PTPN12: variants seen among roughly 807,000 people sequenced by gnomAD.
PTPN12 encodes the protein protein tyrosine phosphatase non-receptor type 12.
PTPN12 carries 29 observed loss-of-function variants against 97.6 expected under a neutral mutation model. That is an observed-to-expected ratio of 0.30 (90% CI 0.22 to 0.41). PTPN12 has a LOEUF of 0.41. PTPN12 is among the 10% of genes least tolerant of loss of function. PTPN12 has a pLI of 1.00. For missense variants in PTPN12, 819 were observed against 926.0 expected (o/e 0.88, Z 1.50); for synonymous variants, 327 against 300.4 (o/e 1.09, Z -0.91).
chr7:77,606,986 T>C (rs1428221482), intron 8 of PTPN12: 2 of 263,334 alleles, frequency 7.6e-6, no homozygotes, highest in African/African-American at 4.5e-5. Flanking sequence ...TTGTTGTGCC[T>C]GATTTATAAA....
At chr7:77,618,610 C>A in intron 12 of PTPN12, 45 bp downstream of exon 12, 1 of 1,241,806 alleles carries the variant, frequency 8.1e-7, no homozygotes, top group Admixed American at 1.9e-5. Context: ...ATACTTGTTT[C>A]TACTCACTGT....
chr7:77,579,740 T>A (rs1382570557), intron 2 of PTPN12, among the ~76,000 whole-genome samples: 2 of 152,260 alleles, frequency 1.3e-5, no homozygotes, highest in East Asian at 3.9e-4. Flanking sequence ...TTTACATAGA[T>A]CTCATAAAAA....
intron 6 of PTPN12, 41 bp downstream of exon 6, chr7:77,592,297 G>T (rs760590933): frequency 8.1e-6 from 12 of 1,480,616 alleles, no homozygotes; most frequent in South Asian, 1.2e-5. Flanking sequence ...CAGAAAATTG[G>T]CATGCTATAC....
At chr7:77,571,980 G>T (rs958470021) in intron 2 of PTPN12, among the ~76,000 whole-genome samples, 1 of 152,016 alleles carries the variant, frequency 6.6e-6, no homozygotes, top group African/African-American at 2.4e-5. Context: ...TAAAGCTGCC[G>T]TCGTTTTTCT....
intron 5 of PTPN12, among the ~76,000 whole-genome samples, chr7:77,587,445 A>G (rs754860740): frequency 3.3e-5 from 5 of 152,104 alleles, no homozygotes; most frequent in Non-Finnish European, 2.9e-5. Flanking sequence ...AAACCATGCA[A>G]TAGGGATGGG....
intron 11 of PTPN12, among the ~76,000 whole-genome samples, chr7:77,616,460 C>T: frequency 6.6e-6 from 1 of 152,124 alleles, no homozygotes; most frequent in East Asian, 1.9e-4. Flanking sequence ...TTATTCAGTG[C>T]ATTTCACTAG....
chr7:77,625,983 A>G (rs73706219), intron 12 of PTPN12, among the ~76,000 whole-genome samples: 3 of 152,346 alleles, frequency 2.0e-5, no homozygotes, highest in South Asian at 2.1e-4. Context: ...ATCTGAAACC[A>G]GAGAGAACAT....
chr7:77,616,451 T>C (rs1788754094), intron 11 of PTPN12, among the ~76,000 whole-genome samples: 1 of 152,236 alleles, frequency 6.6e-6, no homozygotes, highest in African/African-American at 2.4e-5. Context: ...TTGCTGACTT[T>C]ATTCAGTGCA....
intron 1 of PTPN12, among the ~76,000 whole-genome samples, chr7:77,552,300 GTT>G (rs71981947): frequency 2.8e-5 from 4 of 144,956 alleles, no homozygotes; most frequent in South Asian, 2.2e-4. Flanking sequence ...TTTAAAGTAT[GTT>G]TTTTTTTTTT....
At position 77,601,034 on chromosome 7, in the gene PTPN12, T is replaced by C. The variant is rs1418574634; in HGVS notation, c.695+228T>C. 1.8e-5 allele frequency: 8 copies of C among 453,514 alleles called. No homozygotes were observed. The East Asian group carries it at 2.3e-4, about 13-fold the overall frequency. The allele number at this position is 453,514 out of a possible 1,614,324, so 28.1% of individuals were successfully genotyped here. A position where few individuals can be genotyped will look rare whatever the true frequency, so the allele number is the denominator to read the frequency against. ...CTATTTGAAAATAGTATTCACATGG[T>C]GGGAAGCTATAGAACATACTCTTTT... is the stretch of plus-strand genomic sequence containing the variant. On this transcript the variant is annotated intron_variant, in intron 8 of 17. Coordinates refer to ENST00000248594, the MANE Select transcript of PTPN12 (RefSeq NM_002835.4).
At chr7:77,581,074 G>A (rs1049468833) in intron 2 of PTPN12, among the ~76,000 whole-genome samples, 2 of 151,622 alleles carry the variant, frequency 1.3e-5, no homozygotes, top group Non-Finnish European at 2.9e-5. Context: ...TTTTTTTGCT[G>A]TTGTTGTTTT....
At chr7:77,570,934 G>T in intron 1 of PTPN12, 144 bp from the exon 2 acceptor site, 1 of 516,262 alleles carries the variant, frequency 1.9e-6, no homozygotes, top group Non-Finnish European at 3.4e-6. Flanking sequence ...AATTATCCTT[G>T]GGGTTAATTA....
At chr7:77,627,960 C>T (rs972517581) in intron 13 of PTPN12, among the ~76,000 whole-genome samples, 12 of 151,974 alleles carry the variant, frequency 7.9e-5, no homozygotes, top group Non-Finnish European at 8.8e-5. Flanking sequence ...GTTTTTGTAT[C>T]GGTCAAAAAT....
At chr7:77,614,677 T>C (rs576596661) in intron 11 of PTPN12, among the ~76,000 whole-genome samples, 1 of 152,222 alleles carries the variant, frequency 6.6e-6, no homozygotes, top group Non-Finnish European at 1.5e-5. Context: ...TGACTCTTTT[T>C]ATAGGATGGC....
intron 3 of PTPN12, among the ~76,000 whole-genome samples, chr7:77,582,947 A>G (rs116827976): frequency 0.011 from 1,703 of 152,300 alleles, 37 homozygotes; most frequent in African/African-American, 0.039. Context: ...GATGTTGTCA[A>G]TGTTCATATT....
chr7:77,550,319 T>G (rs1033859720), intron 1 of PTPN12, among the ~76,000 whole-genome samples: 22 of 152,180 alleles, frequency 1.4e-4, no homozygotes, highest in Non-Finnish European at 2.6e-4. Flanking sequence ...AAATAGATTA[T>G]ACAAGGGGAC....
At chr7:77,569,338 C>T (rs965953088) in intron 1 of PTPN12, among the ~76,000 whole-genome samples, 1 of 152,090 alleles carries the variant, frequency 6.6e-6, no homozygotes, top group African/African-American at 2.4e-5. Flanking sequence ...ATGTATTTTT[C>T]AGATACTGTC....
At chr7:77,537,760 G>C in intron 1 of PTPN12, 115 bp downstream of exon 1, 1 of 1,139,576 alleles carries the variant, frequency 8.8e-7, no homozygotes, top group Non-Finnish European at 1.2e-6. Context: ...GGCGGAGGGG[G>C]CGCGCACCAG....
Position 77,639,500 on chromosome 7 carries a change from T to C in PTPN12, c.*220T>C, listed in dbSNP as rs2151416765. 6.0e-6 allele frequency: 3 copies of C among 501,600 alleles called. 1 individual carries two copies. In the Admixed American group the frequency reaches 1.1e-4, roughly 19 times the overall value. 31.1% of individuals were successfully genotyped at this position (501,600 alleles called of 1,614,324 possible). ...CTTCAAGTATTATTGCCTTAATGTC[T>C]CTTAACCCTGTTACACGCTGCTTGT... On this transcript the variant is annotated 3_prime_UTR_variant, in exon 18 of 18. Transcript: ENST00000248594.
Sources: allele counts gnomAD v4.1 joint callset (sites outside exome capture counted in the v4.1 genomes callset), GRCh38; gene constraint gnomAD v4.1.1; transcripts MANE v1.5; gene names NCBI Gene and HGNC (gene_info 2026-07-23, HGNC 2026-07-21).